The following MYO5B variants were observed in gnomAD, a reference collection of about 807,000 sequenced individuals.
The protein encoded by MYO5B is unconventional myosin-Vb.
Under a neutral mutation model 229.3 loss-of-function variants are expected in MYO5B, and 143 were observed. The ratio of observed to expected loss-of-function variants is 0.62; its 90% CI spans 0.54 to 0.72. The LOEUF is 0.72. Among genes scored for constraint, MYO5B ranks in the 30% least tolerant of loss-of-function variants. MYO5B has a pLI of 0.00. For synonymous variants in MYO5B, 918 were observed against 885.2 expected, an observed-to-expected ratio of 1.04 and a Z score of -0.66; for missense variants, 2,321 against 2,331.0, an observed-to-expected ratio of 1.00 and a Z score of 0.09.
intron 1 of MYO5B, among the ~76,000 whole-genome samples, chr18:50,179,036 A>T (rs758995781): frequency 2.6e-5 from 4 of 152,218 alleles, no homozygotes; most frequent in Non-Finnish European, 5.9e-5. Context: ...GATAAAATCC[A>T]AGGAAAAAAT....
intron 20 of MYO5B, among the ~76,000 whole-genome samples, 182 bp from the exon 21 acceptor site, chr18:49,903,015 G>T (rs1168613502): frequency 6.6e-6 from 1 of 152,200 alleles, no homozygotes; most frequent in Non-Finnish European, 1.5e-5. Context: ...TTTCAGCGAG[G>T]TTCTGCGCCT....
intron 4 of MYO5B, among the ~76,000 whole-genome samples, chr18:50,017,313 C>T (rs1012988044): frequency 5.9e-5 from 9 of 151,868 alleles, no homozygotes; most frequent in African/African-American, 7.3e-5. Flanking sequence ...TTAGTAGAGA[C>T]GGGGTTTCAC....
intron 10 of MYO5B, among the ~76,000 whole-genome samples, chr18:49,964,875 T>C (rs2025604743): frequency 6.6e-6 from 1 of 151,954 alleles, no homozygotes. Context: ...GAGGGGAGGA[T>C]GGGGGTCATG....
chr18:50,164,768 G>T (rs570436467), intron 1 of MYO5B, among the ~76,000 whole-genome samples: 79 of 152,194 alleles, frequency 5.2e-4, no homozygotes, highest in Non-Finnish European at 9.6e-4. Flanking sequence ...ACAGGCCCCA[G>T]TGTGTGTTGT....
At chr18:50,062,204 G>A (rs1047574102) in intron 1 of MYO5B, among the ~76,000 whole-genome samples, 5 of 151,986 alleles carry the variant, frequency 3.3e-5, no homozygotes, top group East Asian at 3.9e-4. Flanking sequence ...ACAACGATAC[G>A]CCAAGTTAAG....
At chr18:50,110,645 C>T (rs1050171315) in intron 1 of MYO5B, among the ~76,000 whole-genome samples, 4 of 152,130 alleles carry the variant, frequency 2.6e-5, no homozygotes, top group African/African-American at 9.7e-5. Context: ...AATCACACTC[C>T]ATAAATGCAG....
At chr18:49,834,143 T>C (rs985036568) in intron 39 of MYO5B, among the ~76,000 whole-genome samples, 4 of 152,092 alleles carry the variant, frequency 2.6e-5, no homozygotes, top group South Asian at 2.1e-4. Flanking sequence ...TGGATCTACA[T>C]TGAAACACTG....
chr18:49,832,211 CA>C (rs1337801262), intron 39 of MYO5B, among the ~76,000 whole-genome samples: 12 of 152,192 alleles, frequency 7.9e-5, no homozygotes, highest in Non-Finnish European at 1.2e-4. Flanking sequence ...ACACATACCC[CA>C]AAACCATGGG....
At chr18:49,988,018 A>T (rs1419983218) in intron 7 of MYO5B, among the ~76,000 whole-genome samples, 1 of 152,222 alleles carries the variant, frequency 6.6e-6, no homozygotes, top group Non-Finnish European at 1.5e-5. Flanking sequence ...GGTCATTTTA[A>T]ATGCAATGGC....
intron 1 of MYO5B, among the ~76,000 whole-genome samples, chr18:50,180,683 T>C (rs866578841): frequency 4.6e-5 from 7 of 152,208 alleles, no homozygotes; most frequent in African/African-American, 1.2e-4. Context: ...TGAAATTCTG[T>C]GTCCATTAAA....
rs567958796 is a variant in MYO5B, at chr18:49,991,684, G to A, written c.756+604C>T. Among the ~76,000 whole-genome samples the A allele has an allele frequency of 7.2e-5, 11 of 152,276 alleles. No homozygotes were observed. The South Asian group carries it at 1.9e-3, about 26-fold the overall frequency. ...CACCGGGGCCTGTCAGTGGGTGGAA[G>A]GCTAGGGGAGGGATAGCATTAGGAG... On this transcript the variant is annotated intron_variant, in intron 6 of 39. Transcript: ENST00000285039.
intron 1 of MYO5B, among the ~76,000 whole-genome samples, chr18:50,162,908 C>T (rs570217426): frequency 6.6e-6 from 1 of 152,240 alleles, no homozygotes; most frequent in Non-Finnish European, 1.5e-5. Flanking sequence ...CTCCCTCCCA[C>T]ATTCCAAGCT....
chr18:49,952,071 G>A (rs2144241909), intron 14 of MYO5B, among the ~76,000 whole-genome samples: 1 of 152,286 alleles, frequency 6.6e-6, no homozygotes, highest in East Asian at 1.9e-4. Flanking sequence ...CACTGGGCAG[G>A]GGTCTGTTCT....
chr18:50,181,597 C>T (rs2033074750), intron 1 of MYO5B, among the ~76,000 whole-genome samples: 1 of 152,224 alleles, frequency 6.6e-6, no homozygotes. Flanking sequence ...GGTTTGAAGC[C>T]AGTTTCATAA....
chr18:50,034,056 CA>C (rs147825022), intron 4 of MYO5B, among the ~76,000 whole-genome samples: 4,119 of 152,330 alleles, frequency 0.027, 73 homozygotes, highest in Non-Finnish European at 0.042. Flanking sequence ...TCAAGAGAAT[CA>C]CTGAGTCCAA....
chr18:49,916,109 C>T (rs1318332018), intron 17 of MYO5B, among the ~76,000 whole-genome samples: 1 of 152,260 alleles, frequency 6.6e-6, no homozygotes, highest in Admixed American at 6.5e-5. Flanking sequence ...CCACATTATA[C>T]ACCATGGTTA....
chr18:49,980,153 A>G (rs1237884942), intron 9 of MYO5B, among the ~76,000 whole-genome samples: 1 of 152,178 alleles, frequency 6.6e-6, no homozygotes, highest in Non-Finnish European at 1.5e-5. Flanking sequence ...TACTCAATTG[A>G]TTGACAACAA....
intron 1 of MYO5B, among the ~76,000 whole-genome samples, chr18:50,138,431 G>A (rs1422369320): frequency 6.6e-6 from 1 of 152,192 alleles, no homozygotes; most frequent in Non-Finnish European, 1.5e-5. Context: ...GGTGGCAGGA[G>A]CAGTAAATGG....
chr18:50,069,445 G>A (rs560351756), intron 1 of MYO5B, among the ~76,000 whole-genome samples: 3 of 152,100 alleles, frequency 2.0e-5, no homozygotes, highest in African/African-American at 7.2e-5. Context: ...CCCATCCCCC[G>A]AGTCTTCAGT....
Sources: gnomAD v4.1 joint callset for allele counts (sites outside exome capture counted in the v4.1 genomes callset) on GRCh38, gnomAD v4.1.1 for gene constraint, MANE v1.5 for transcripts, NCBI Gene and HGNC (gene_info 2026-07-23, HGNC 2026-07-21) for gene names.